Variants in MTM1 observed in about 807,000 individuals in gnomAD.
MTM1 encodes the protein myotubularin 1.
Under a neutral mutation model 52.1 loss-of-function variants are expected in MTM1, and 9 were observed. The ratio of observed to expected loss-of-function variants is 0.17; its 90% CI spans 0.10 to 0.30. The LOEUF (loss-of-function observed/expected upper bound fraction) is 0.30. MTM1 is among the 10% of genes least tolerant of loss of function. The pLI is 1.00. For missense variants in MTM1, 277 were observed against 470.7 expected (o/e 0.59, Z 3.81); for synonymous variants, 136 against 163.8 (o/e 0.83, Z 1.29).
At chrX:150,665,353 CG>C (rs1422254402) in intron 14 of MTM1, among the ~76,000 whole-genome samples, 4 of 111,685 alleles carry the variant, frequency 3.6e-5, no homozygotes, top group Admixed American at 1.9e-4. Flanking sequence ...CTGGTAGGGG[CG>C]GCCAGAAACA....
At chrX:150,563,868 A>T (rs1275114297), upstream of MTM1, among the ~76,000 whole-genome samples, 1 of 111,710 alleles carries the variant, frequency 9.0e-6, no homozygotes, top group African/African-American at 3.3e-5. Context: ...CCTGGAAGGC[A>T]GAGTAAAACT....
At chrX:150,586,736 A>C (rs1413567767) in intron 1 of MTM1, among the ~76,000 whole-genome samples, 1 of 110,073 alleles carries the variant, frequency 9.1e-6, no homozygotes, top group Non-Finnish European at 1.9e-5. Flanking sequence ...CAACGTGGCG[A>C]AATCCTGTCG....
At chrX:150,629,774 A>G (rs2039633287) in intron 6 of MTM1, among the ~76,000 whole-genome samples, 1 of 111,106 alleles carries the variant, frequency 9.0e-6, no homozygotes, top group Non-Finnish European at 1.9e-5. Context: ...TACAGGAAAA[A>G]ATCTCCCTCC....
Position 150,663,619 on chromosome X carries a change from G to T in MTM1, c.1644+10G>T. On this transcript the variant is annotated intron_variant, in intron 14 of 14. Coordinates refer to ENST00000370396, the MANE Select transcript of MTM1 (RefSeq NM_000252.3). ...CAGGATCAAGCAACAAGTAAGTGAA[G>T]TAGCACTGTTAAAAGATAGCAATGT... The T allele has an allele frequency of 8.4e-7, 1 of 1,195,755 alleles. No individual in the cohort carries two copies. Among genetic ancestry groups the T allele is most frequent in the Middle Eastern group, 2.3e-4 (1 of 4,310 alleles).
intron 9 of MTM1, among the ~76,000 whole-genome samples, chrX:150,648,425 T>C (rs1466862998): frequency 8.9e-6 from 1 of 112,555 alleles, no homozygotes; most frequent in South Asian, 3.6e-4. Flanking sequence ...AAAGAGAAAA[T>C]AGGCATATTG....
chrX:150,606,964 CCTCCCCTCCCCT>C (rs2039177808), intron 4 of MTM1, among the ~76,000 whole-genome samples: 1 of 82,863 alleles, frequency 1.2e-5, no homozygotes. Flanking sequence ...CTCCCCTCCC[CCTCCCCTCCCCT>C]CCCAAAATGG....
chrX:150,650,482 A>C (rs1557414156), intron 10 of MTM1, among the ~76,000 whole-genome samples: 1 of 111,571 alleles, frequency 9.0e-6, no homozygotes, highest in African/African-American at 3.3e-5. Context: ...TGAATTATTA[A>C]GATATATTCT....
At chrX:150,647,226 T>G (rs2039950209) in intron 9 of MTM1, among the ~76,000 whole-genome samples, 1 of 103,551 alleles carries the variant, frequency 9.7e-6, no homozygotes, top group Non-Finnish European at 2.0e-5. Context: ...TATATAGCAA[T>G]ATTTTCATGT....
chrX:150,611,172 C>G (rs2039269458), intron 4 of MTM1, among the ~76,000 whole-genome samples: 1 of 112,165 alleles, frequency 8.9e-6, no homozygotes, highest in Non-Finnish European at 1.9e-5. Context: ...ACAGTAAGAT[C>G]TGTTAGATGC....
chrX:150,616,848 G>T (rs1490133856), intron 5 of MTM1, among the ~76,000 whole-genome samples: 1 of 111,839 alleles, frequency 8.9e-6, no homozygotes, highest in Non-Finnish European at 1.9e-5. Context: ...CTTCAGAGTC[G>T]TTGCAGCAGG....
intron 6 of MTM1, among the ~76,000 whole-genome samples, chrX:150,637,122 CAG>C (rs2039764529): frequency 8.9e-6 from 1 of 112,111 alleles, no homozygotes; most frequent in African/African-American, 3.2e-5. Flanking sequence ...TTGAGACCTG[CAG>C]AGTGTGCTGC....
intron 1 of MTM1, among the ~76,000 whole-genome samples, chrX:150,568,935 G>T (rs1370826464): frequency 1.8e-5 from 2 of 113,495 alleles, no homozygotes; most frequent in African/African-American, 3.2e-5. Context: ...GGTCGGGACG[G>T]GGGTAGGGGT....
At chrX:150,658,161 C>A in intron 11 of MTM1, 134 bp downstream of exon 11, 2 of 532,803 alleles carry the variant, frequency 3.8e-6, no homozygotes, top group Non-Finnish European at 6.3e-6. Flanking sequence ...TTTGAAAATG[C>A]ATGATGCCTT....
At chrX:150,568,774 G>A (rs1292432325) in intron 1 of MTM1, 112 bp downstream of exon 1, 1 of 113,334 alleles carries the variant, frequency 8.8e-6, no homozygotes, top group Non-Finnish European at 1.9e-5. Flanking sequence ...GTCGCGCGGG[G>A]CCTTGCCGCA....
intron 13 of MTM1, among the ~76,000 whole-genome samples, chrX:150,661,756 A>G (rs1018650581): frequency 1.3e-4 from 15 of 111,814 alleles, no homozygotes; most frequent in African/African-American, 4.9e-4. Context: ...CAGAGAGTAG[A>G]AGGGTAGTTA....
upstream of MTM1, among the ~76,000 whole-genome samples, chrX:150,566,573 C>T (rs933911031): frequency 9.0e-6 from 1 of 111,240 alleles, no homozygotes; most frequent in African/African-American, 3.3e-5. Context: ...ATCTTCTCTA[C>T]TGGCCCTTTC....
At chrX:150,610,413 G>GAC (rs1557412945) in intron 4 of MTM1, among the ~76,000 whole-genome samples, 5 of 109,966 alleles carry the variant, frequency 4.5e-5, no homozygotes, top group East Asian at 2.9e-4. Context: ...CAGAGACAGA[G>GAC]AGAGAGAGAG....
intron 1 of MTM1, among the ~76,000 whole-genome samples, chrX:150,576,416 C>T (rs1244876943): frequency 1.3e-4 from 14 of 111,135 alleles, no homozygotes; most frequent in African/African-American, 3.9e-4. Context: ...TTGTTTGTGC[C>T]CTCCTTTTTT....
chrX:150,648,113 T>A (rs5925399), intron 9 of MTM1, among the ~76,000 whole-genome samples: 31,601 of 110,453 alleles, frequency 0.29, 3,471 homozygotes, highest in South Asian at 0.51. Context: ...ATAACTTTTT[T>A]AAAACAACAC....
Sources: gnomAD v4.1 joint callset for allele counts (sites outside exome capture counted in the v4.1 genomes callset) on GRCh38, gnomAD v4.1.1 for gene constraint, MANE v1.5 for transcripts, NCBI Gene and HGNC (gene_info 2026-07-23, HGNC 2026-07-21) for gene names.